The following ABCA6 variants were observed in gnomAD, a reference collection of about 807,000 sequenced individuals.
The protein encoded by ABCA6 is ATP binding cassette subfamily A member 6, also known as ATP-binding cassette sub-family A member 6.
A neutral mutation model predicts 191.2 loss-of-function variants in ABCA6; 164 were observed. The ratio of observed to expected loss-of-function variants is 0.86; its 90% CI spans 0.76 to 0.98. The LOEUF (loss-of-function observed/expected upper bound fraction) is 0.98, where lower values mean the gene tolerates loss of function less well. Ranked by LOEUF, ABCA6 falls within the 50% of genes least tolerant of loss-of-function variation. ABCA6 has a pLI of 0.00. For missense variants in ABCA6, 1,958 were observed against 1,894.1 expected (o/e 1.03, Z -0.63); for synonymous variants, 636 against 647.7 (o/e 0.98, Z 0.27).
intron 10 of ABCA6, among the ~76,000 whole-genome samples, chr17:69,122,238 T>C (rs2073661539): frequency 6.6e-6 from 1 of 152,140 alleles, no homozygotes; most frequent in African/African-American, 2.4e-5. Flanking sequence ...GTAAGCTTTT[T>C]GTGCGAATTA....
intron 25 of ABCA6, chr17:69,095,283 GT>G: frequency 1.6e-5 from 3 of 188,548 alleles, no homozygotes; most frequent in Non-Finnish European, 2.3e-5. Context: ...CTCAAAGCCA[GT>G]TTTTCCGAGT....
intron 17 of ABCA6, chr17:69,108,933 A>T (rs530287436): frequency 1.3e-5 from 2 of 152,344 alleles, no homozygotes; most frequent in East Asian, 1.9e-4. Context: ...GTACCAACAT[A>T]TAATTCCTTA....
chr17:69,135,981 T>A (rs565946837), intron 4 of ABCA6, 111 bp downstream of exon 4: 1 of 1,054,166 alleles, frequency 9.5e-7, no homozygotes, highest in Non-Finnish European at 1.4e-6. Flanking sequence ...TGAAATGGGC[T>A]TTCCCTGTTT....
Position 69,083,434 on chromosome 17 carries a change from A to T in ABCA6, c.4356-103T>A, listed in dbSNP as rs112903978. 2.1e-4 allele frequency: 256 copies of T among 1,210,064 alleles called. 1 individual carries two copies. The African/African-American group carries it at 3.6e-3, about 17-fold the overall frequency. The allele number at this position is 1,210,064 out of a possible 1,614,324, so 75.0% of individuals were successfully genotyped here. A position where few individuals can be genotyped will look rare whatever the true frequency, so the allele number is the denominator to read the frequency against. On this transcript the variant is annotated intron_variant, in intron 34 of 38. Coordinates refer to ENST00000284425, the MANE Select transcript of ABCA6 (RefSeq NM_080284.3). Reference sequence around the variant, plus strand: ...ATCATATTCAGATCCTAATGCAAAAAAATAGTGCAATGTAAGTACTGACTA... The same window carrying T: ...ATCATATTCAGATCCTAATGCAAAATAATAGTGCAATGTAAGTACTGACTA...
Position 69,137,412 on chromosome 17 carries a change from T to C in ABCA6, c.185A>G (p.Gln62Arg). The change falls in exon 3 of 39, where the codon CAG (glutamine) becomes CGG (arginine). Residue 62 changes from glutamine (Q) to arginine (R), a missense_variant. Physicochemically the swap from Gln to Arg is conservative, Grantham distance 43. Coordinates refer to ENST00000284425, the MANE Select transcript of ABCA6 (RefSeq NM_080284.3). ...RNVQFPGMAPQNLGRVDKFNS... is the reference protein window; with the variant it reads ...RNVQFPGMAPRNLGRVDKFNS... ...AAATTTATCTACCCTTCCCAGATTC[T>C]GAGGAGCCATTCCAGGAAACTGGAC... 1.2e-6 allele frequency: 2 copies of C among 1,613,772 alleles called. No homozygotes were observed. Among genetic ancestry groups the C allele is most frequent in the East Asian group, 4.5e-5 (2 of 44,826 alleles).
At chr17:69,137,825 G>C (rs1487776189) in intron 2 of ABCA6, among the ~76,000 whole-genome samples, 1 of 152,146 alleles carries the variant, frequency 6.6e-6, no homozygotes, top group African/African-American at 2.4e-5. Flanking sequence ...ATAAGACATG[G>C]AGTATCCTAG....
At chr17:69,087,829 T>C (rs1032748450) in intron 28 of ABCA6, among the ~76,000 whole-genome samples, 2 of 152,258 alleles carry the variant, frequency 1.3e-5, no homozygotes, top group African/African-American at 4.8e-5. Flanking sequence ...TCACCCTTTC[T>C]ACAGCCCTCC....
At chr17:69,116,816 A>G (rs1237254708) in intron 11 of ABCA6, among the ~76,000 whole-genome samples, 1 of 152,078 alleles carries the variant, frequency 6.6e-6, no homozygotes, top group Non-Finnish European at 1.5e-5. Context: ...TTTCCCAAAG[A>G]GCAGCTATAC....
At chr17:69,123,818 T>C (rs1333928364) in intron 9 of ABCA6, among the ~76,000 whole-genome samples, 1 of 152,030 alleles carries the variant, frequency 6.6e-6, no homozygotes, top group Non-Finnish European at 1.5e-5. Flanking sequence ...AGGAAACCAT[T>C]ATATGTCCTT....
chr17:69,100,666 T>C, intron 22 of ABCA6, 131 bp downstream of exon 22: 1 of 1,047,514 alleles, frequency 9.5e-7, no homozygotes, highest in Non-Finnish European at 1.3e-6. Context: ...TATAACCCAT[T>C]GAAAATATTA....
Position 69,106,146 on chromosome 17 carries a change from AAG to A in ABCA6, c.2453_2454del (p.Ser818PhefsTer4). 6.2e-7 allele frequency: 1 copy of A among 1,613,968 alleles called. No individual in the cohort carries two copies. Among genetic ancestry groups the A allele is most frequent in the Non-Finnish European group, 8.5e-7 (1 of 1,179,910 alleles). ...ACAGCTGTCTGCATTTCAGAGAAGG[AAG>A]AGTGAGCCAGCTCCATTTCATTGAG... ...ESLNEMELAH[S>X]SFSEMQTAVS... On this transcript the variant is annotated frameshift_variant, in exon 19 of 39. Coordinates refer to ENST00000284425, the MANE Select transcript of ABCA6 (RefSeq NM_080284.3). LOFTEE classifies it high-confidence loss of function.
intron 34 of ABCA6, among the ~76,000 whole-genome samples, chr17:69,083,726 C>A (rs989271462): frequency 5.3e-5 from 8 of 151,962 alleles, no homozygotes; most frequent in Non-Finnish European, 1.2e-4. Context: ...ATAAAATTAC[C>A]ATAACAAAGT....
intron 17 of ABCA6, chr17:69,108,361 T>A (rs1035468172): frequency 3.3e-5 from 5 of 152,934 alleles, no homozygotes; most frequent in African/African-American, 1.2e-4. Flanking sequence ...GACCATTTTC[T>A]TCTTGTGGCC....
At chr17:69,136,725 A>C (rs910649159) in intron 3 of ABCA6, among the ~76,000 whole-genome samples, 4 of 152,172 alleles carry the variant, frequency 2.6e-5, no homozygotes, top group South Asian at 2.1e-4. Context: ...TTAAAGAGTA[A>C]ATAGCCAAAT....
At chr17:69,133,070 G>T (rs1192251897) in intron 6 of ABCA6, among the ~76,000 whole-genome samples, 1 of 152,110 alleles carries the variant, frequency 6.6e-6, no homozygotes, top group African/African-American at 2.4e-5. Flanking sequence ...CCTTGCTAAG[G>T]TCTTCTTACA....
chr17:69,106,277 AT>A, intron 18 of ABCA6, 66 bp from the exon 19 acceptor site: 1 of 1,424,306 alleles, frequency 7.0e-7, no homozygotes, highest in Non-Finnish European at 9.4e-7. Flanking sequence ...GGCATCACAG[AT>A]TTTCCTTAGT....
At chr17:69,093,116 A>T (rs1356571034) in intron 25 of ABCA6, among the ~76,000 whole-genome samples, 1 of 152,208 alleles carries the variant, frequency 6.6e-6, no homozygotes, top group African/African-American at 2.4e-5. Context: ...CTTCAAGTTT[A>T]TTCCTGAGCC....
intron 34 of ABCA6, among the ~76,000 whole-genome samples, chr17:69,083,648 G>T (rs2072696985): frequency 6.6e-6 from 1 of 152,114 alleles, no homozygotes; most frequent in Non-Finnish European, 1.5e-5. Flanking sequence ...AAGGAGATTG[G>T]TTCTATTGAT....
At chr17:69,126,657 T>C (rs1469261234) in intron 8 of ABCA6, among the ~76,000 whole-genome samples, 1 of 151,532 alleles carries the variant, frequency 6.6e-6, no homozygotes, top group African/African-American at 2.4e-5. Flanking sequence ...AAAATAAAAA[T>C]AAAAAAAGAT....
Sources: allele counts gnomAD v4.1 joint callset (sites outside exome capture counted in the v4.1 genomes callset), GRCh38; gene constraint gnomAD v4.1.1; transcripts MANE v1.5; gene names NCBI Gene and HGNC (gene_info 2026-07-23, HGNC 2026-07-21).